The following GANC variants were observed in gnomAD, a reference collection of about 807,000 sequenced individuals.
GANC encodes glucosidase alpha, neutral C.
GANC carries 117 observed loss-of-function variants against 124.2 expected under a neutral mutation model. That is an observed-to-expected ratio of 0.94 (90% CI 0.81 to 1.10). The LOEUF (loss-of-function observed/expected upper bound fraction) is 1.10. Among genes scored for constraint, GANC ranks in the 50% least tolerant of loss-of-function variants. GANC has a pLI of 0.00. For synonymous variants in GANC, 377 were observed against 376.8 expected (o/e 1.00, Z -0.01); for missense variants, 1,140 against 1,095.0 (o/e 1.04, Z -0.58).
chr15:42,349,834 A>G (rs1294772949), intron 22 of GANC, among the ~76,000 whole-genome samples: 1 of 151,640 alleles, frequency 6.6e-6, no homozygotes, highest in Admixed American at 6.6e-5. Context: ...TTTTTAGTAG[A>G]GACGGGGTTT....
chr15:42,287,016 CTG>C (rs1011879904), intron 3 of GANC, among the ~76,000 whole-genome samples: 1 of 152,190 alleles, frequency 6.6e-6, no homozygotes, highest in African/African-American at 2.4e-5. Context: ...GCTTCTTGTT[CTG>C]TGTTTTATTT....
At chr15:42,299,746 A>G (rs2051928047) in intron 6 of GANC, among the ~76,000 whole-genome samples, 1 of 152,230 alleles carries the variant, frequency 6.6e-6, no homozygotes, top group Non-Finnish European at 1.5e-5. Context: ...TGGTGCTGGT[A>G]CCAAAACAGA....
chr15:42,294,784 G>T (rs2051875167), intron 5 of GANC, among the ~76,000 whole-genome samples: 1 of 151,138 alleles, frequency 6.6e-6, no homozygotes, highest in South Asian at 2.1e-4. Context: ...AATTTCTGTT[G>T]TATGGCTTTA....
At chr15:42,285,567 G>A (rs1396108811) in intron 3 of GANC, among the ~76,000 whole-genome samples, 1 of 152,172 alleles carries the variant, frequency 6.6e-6, no homozygotes, top group Admixed American at 6.5e-5. Flanking sequence ...GGCTGAGGCA[G>A]GAGGATCACT....
chr15:42,298,540 A>G (rs545664099), intron 6 of GANC, among the ~76,000 whole-genome samples: 7 of 152,294 alleles, frequency 4.6e-5, no homozygotes, highest in Non-Finnish European at 8.8e-5. Flanking sequence ...GAACGGTTCT[A>G]AGTAGCAGAG....
chr15:42,297,817 G>C (rs959160867), intron 6 of GANC, among the ~76,000 whole-genome samples, 161 bp downstream of exon 6: 1 of 110,032 alleles, frequency 9.1e-6, no homozygotes, highest in Non-Finnish European at 2.0e-5. Flanking sequence ...TTGTCATCTC[G>C]TTGATTCATT....
At chr15:42,296,084 C>T (rs2051888661) in intron 5 of GANC, among the ~76,000 whole-genome samples, 1 of 146,054 alleles carries the variant, frequency 6.8e-6, no homozygotes, top group Admixed American at 7.0e-5. Context: ...GTGGAGGTTT[C>T]AGTGAGCCGA....
rs182420660 is a variant in GANC at position 42,280,282 on chromosome 15, G to A, written c.201+1692G>A. ...TGTGTTTGATACATTTGAGTTCTCA[G>A]CTCATGGTACCCCCAAAGCCATAGG... On this transcript the variant is annotated intron_variant, in intron 3 of 23. Transcript: ENST00000318010. Among the ~76,000 whole-genome samples the A allele has an allele frequency of 9.5e-4, 145 of 152,222 alleles. 1 individual carries two copies. Among genetic ancestry groups the A allele is most frequent in the African/African-American group, 3.3e-3 (136 of 41,532 alleles).
At chr15:42,310,932 A>T in intron 10 of GANC, 86 bp downstream of exon 10, 5 of 1,426,654 alleles carry the variant, frequency 3.5e-6, no homozygotes, top group Non-Finnish European at 4.9e-6. Context: ...TATTTGTTGT[A>T]TACTATGTAG....
At chr15:42,283,054 C>G (rs575244593) in intron 3 of GANC, among the ~76,000 whole-genome samples, 1 of 152,194 alleles carries the variant, frequency 6.6e-6, no homozygotes, top group African/African-American at 2.4e-5. Context: ...TGAATACCAT[C>G]ATATTGTGGG....
At chr15:42,278,076 C>G (rs1350635648) in intron 2 of GANC, 3 of 368,020 alleles carry the variant, frequency 8.2e-6, no homozygotes, top group South Asian at 4.0e-5. Context: ...GGGAAGTCTA[C>G]AGTGAATGCC....
chr15:42,288,486 G>C (rs2051812708), intron 4 of GANC, among the ~76,000 whole-genome samples: 1 of 152,110 alleles, frequency 6.6e-6, no homozygotes, highest in South Asian at 2.1e-4. Context: ...AGGAATATCA[G>C]ATTATGCCAG....
At chr15:42,349,241 A>G in intron 21 of GANC, 142 bp from the exon 22 acceptor site, 1 of 612,884 alleles carries the variant, frequency 1.6e-6, no homozygotes. Flanking sequence ...GCTATTGAAT[A>G]TGTTAGGTAT....
In GANC at chr15:42,287,892, G is replaced by C. The variant is rs1441202070; in HGVS notation, c.329+74G>C. 6 of 1,482,260 alleles carry C rather than the reference G, an allele frequency of 4.0e-6. No individual in the cohort carries two copies. The African/African-American group carries it at 7.1e-5, about 18-fold the overall frequency. The allele number at this position is 1,482,260 out of a possible 1,614,324, so 91.8% of individuals were successfully genotyped here. A position where few individuals can be genotyped will look rare whatever the true frequency, so the allele number is the denominator to read the frequency against. ...TATCATATCTTGAGTAATAAATTTTGTTATGTGCACTTCTTATTTTGGCTG... is the reference window on the plus strand; with the variant it reads ...TATCATATCTTGAGTAATAAATTTTCTTATGTGCACTTCTTATTTTGGCTG... On this transcript the variant is annotated intron_variant, in intron 4 of 23. Transcript: ENST00000318010.
intron 18 of GANC, among the ~76,000 whole-genome samples, chr15:42,341,662 C>G (rs901445707): frequency 2.1e-4 from 32 of 152,002 alleles, no homozygotes; most frequent in Non-Finnish European, 4.0e-4. Context: ...CTCCGGGGCT[C>G]AAGCAATCCT....
rs781110104 is a variant in GANC at position 42,339,783 on chromosome 15, G to T, written c.1958G>T (p.Arg653Leu). ...RGHATMNTKR[R>L]EPWLFGEEHT... The stretch of plus-strand genomic sequence containing the variant: ...CATGCCACCATGAACACCAAGCGAC[G>T]AGAGCCCTGGCTCTTTGGGGAGGAA... The change falls in exon 17 of 24, where the codon CGA (arginine) becomes CTA (leucine). Residue 653 changes from arginine (R) to leucine (L), a missense_variant. Physicochemically the swap from Arg to Leu is moderately radical, Grantham distance 102. Transcript: ENST00000318010. 2 of 1,614,142 alleles carry T rather than the reference G, an allele frequency of 1.2e-6. No individual in the cohort carries two copies. Among genetic ancestry groups the T allele is most frequent in the Non-Finnish European group, 1.7e-6 (2 of 1,180,028 alleles).
rs184677321 is a variant in GANC, at chr15:42,332,889, G to T, written c.1741+2217G>T. Among the ~76,000 whole-genome samples, 6 of 147,726 alleles carry T rather than the reference G, an allele frequency of 4.1e-5. No homozygotes were observed. In the East Asian group the frequency reaches 1.2e-3, roughly 29 times the overall value. ...AAAAAAAATAGCTGCGTGGTAGCGC[G>T]CACCTGTAATCCCAGCTACTAGGGA... On this transcript the variant is annotated intron_variant, in intron 15 of 23. Coordinates refer to ENST00000318010, the MANE Select transcript of GANC (RefSeq NM_198141.3).
chr15:42,293,704 C>T (rs2051865499), intron 5 of GANC, among the ~76,000 whole-genome samples: 1 of 151,580 alleles, frequency 6.6e-6, no homozygotes, highest in Non-Finnish European at 1.5e-5. Context: ...CTGAAAAATA[C>T]TAATAATAGC....
chr15:42,342,593 G>GAAA (rs554964262), intron 18 of GANC, among the ~76,000 whole-genome samples: 1,573 of 142,988 alleles, frequency 0.011, 26 homozygotes, highest in African/African-American at 0.037. Flanking sequence ...TGTCTCTAAG[G>GAAA]AAAAAAAAAA....
Sources: gnomAD v4.1 joint callset for allele counts (sites outside exome capture counted in the v4.1 genomes callset) on GRCh38, gnomAD v4.1.1 for gene constraint, MANE v1.5 for transcripts, NCBI Gene and HGNC (gene_info 2026-07-23, HGNC 2026-07-21) for gene names.